PCDH15: variants seen among roughly 807,000 people sequenced by gnomAD.
The protein encoded by PCDH15 is protocadherin-15.
Under a neutral mutation model 178.5 loss-of-function variants are expected in PCDH15, and 129 were observed. The ratio of observed to expected loss-of-function variants is 0.72; its 90% CI spans 0.63 to 0.84. The LOEUF is 0.84. Among genes scored for constraint, PCDH15 ranks in the 40% least tolerant of loss-of-function variants. The pLI, the probability that PCDH15 is intolerant of heterozygous loss-of-function variation, is 0.00. For missense variants in PCDH15, 2,230 were observed against 2,099.9 expected, an observed-to-expected ratio of 1.06 and a Z score of -1.21; for synonymous variants, 800 against 732.0, an observed-to-expected ratio of 1.09 and a Z score of -1.50.
intron 1 of PCDH15, among the ~76,000 whole-genome samples, chr10:54,757,300 T>TTA (rs1209708087): frequency 6.3e-5 from 2 of 31,538 alleles, no homozygotes; most frequent in African/African-American, 3.6e-4. Flanking sequence ...TTTTTTTTTT[T>TTA]GAGACGGAGT....
Position 53,821,421 on chromosome 10 carries a change from C to T in PCDH15, c.4368-1191G>A, listed in dbSNP as rs557721389. The T allele has an allele frequency of 6.0e-6, 6 of 999,810 alleles. No homozygotes were observed. The South Asian group carries it at 1.3e-4, about 21-fold the overall frequency. 61.9% of individuals were successfully genotyped at this position (999,810 alleles called of 1,614,324 possible). On this transcript the variant is annotated intron_variant, in intron 32 of 37. Coordinates refer to ENST00000644397, the MANE Select transcript of PCDH15 (RefSeq NM_001384140.1). Reference sequence around the variant, plus strand: ...ACATAGGCTTCAAGAAAAAACAGAACCTATCAATCATATCAGTTTTAACTT... The same window carrying T: ...ACATAGGCTTCAAGAAAAAACAGAATCTATCAATCATATCAGTTTTAACTT...
intron 2 of PCDH15, among the ~76,000 whole-genome samples, chr10:55,329,213 A>T (rs999246791): frequency 1.3e-3 from 77 of 58,970 alleles, no homozygotes; most frequent in Middle Eastern, 0.012. Context: ...GGATCTGGGA[A>T]TTCAAATTAT....
At chr10:54,915,918 T>A (rs1954893672) in intron 2 of PCDH15, among the ~76,000 whole-genome samples, 1 of 152,188 alleles carries the variant, frequency 6.6e-6, no homozygotes, top group South Asian at 2.1e-4. Flanking sequence ...AACCTCCACC[T>A]CCTGGGTTCA....
chr10:54,384,062 G>C (rs2135164964), intron 3 of PCDH15, among the ~76,000 whole-genome samples: 1 of 147,674 alleles, frequency 6.8e-6, no homozygotes. Flanking sequence ...TTAAACTTCT[G>C]ACTTCAGGTG....
chr10:54,709,593 C>CATACATAT (rs2095407065), intron 1 of PCDH15, among the ~76,000 whole-genome samples: 1 of 94,824 alleles, frequency 1.1e-5, no homozygotes. Flanking sequence ...ACAAATAATT[C>CATACATAT]ATATATATAT....
At chr10:55,606,413 A>G (rs898052794) in intron 2 of PCDH15, among the ~76,000 whole-genome samples, 3 of 151,088 alleles carry the variant, frequency 2.0e-5, no homozygotes, top group East Asian at 3.9e-4. Flanking sequence ...GTTCATATGG[A>G]ACCAAAAAAG....
chr10:55,484,554 T>G (rs1034361459), intron 2 of PCDH15, among the ~76,000 whole-genome samples: 1 of 151,654 alleles, frequency 6.6e-6, no homozygotes, highest in South Asian at 2.1e-4. Context: ...TCCTAAAATA[T>G]GTATGGAACC....
chr10:54,818,173 A>G (rs1952977970), intron 3 of PCDH15, among the ~76,000 whole-genome samples: 1 of 152,008 alleles, frequency 6.6e-6, no homozygotes, highest in Non-Finnish European at 1.5e-5. Flanking sequence ...TGATTAACAT[A>G]TAGTTTAGAA....
chr10:54,043,158 G>A (rs10825207), intron 18 of PCDH15, among the ~76,000 whole-genome samples: 71,854 of 151,846 alleles, frequency 0.47, 17,403 homozygotes, highest in Middle Eastern at 0.64. Context: ...CAGATTTATC[G>A]GTGAACATTA....
chr10:55,382,332 CT>C (rs1207627722), intron 2 of PCDH15, among the ~76,000 whole-genome samples: 1 of 152,096 alleles, frequency 6.6e-6, no homozygotes, highest in Non-Finnish European at 1.5e-5. Context: ...AATCAGCTAA[CT>C]TTAAATAAGA....
chr10:55,445,313 T>C (rs1839291391), intron 2 of PCDH15, among the ~76,000 whole-genome samples: 1 of 151,950 alleles, frequency 6.6e-6, no homozygotes, highest in Admixed American at 6.6e-5. Context: ...TAAATTACAG[T>C]GAATAAAAGG....
rs572182789 is a variant in PCDH15 at position 54,736,256 on chromosome 10, T to C, written c.-29+64669A>G. Among the ~76,000 whole-genome samples the C allele has an allele frequency of 3.9e-5, 6 of 152,198 alleles. No homozygotes were observed. In the South Asian group the frequency reaches 1.2e-3, roughly 32 times the overall value. ...ATAAATGCTGTAATTCCCATTTTAG[T>C]AGACAATCCTTCCTTTCAGAATCAG... is the stretch of plus-strand genomic sequence containing the variant. On this transcript the variant is annotated intron_variant, in intron 1 of 37. Coordinates refer to ENST00000644397, the MANE Select transcript of PCDH15 (RefSeq NM_001384140.1).
At chr10:54,298,837 TC>T (rs1446019337) in intron 8 of PCDH15, among the ~76,000 whole-genome samples, 11 of 152,338 alleles carry the variant, frequency 7.2e-5, no homozygotes, top group African/African-American at 2.4e-4. Context: ...ATCCAAGGAA[TC>T]CTGGGAGAGC....
chr10:54,921,835 G>A (rs912950973), intron 2 of PCDH15, among the ~76,000 whole-genome samples: 1 of 152,132 alleles, frequency 6.6e-6, no homozygotes, highest in Non-Finnish European at 1.5e-5. Context: ...GGCTGTACAG[G>A]TAGCATCTCT....
intron 2 of PCDH15, among the ~76,000 whole-genome samples, chr10:55,051,433 T>C (rs905325820): frequency 6.6e-6 from 1 of 152,206 alleles, no homozygotes. Context: ...TGTTTTAAAA[T>C]ATTTATTGTT....
Position 54,664,233 on chromosome 10 carries a change from A to G in PCDH15, c.30T>C (p.Cys10=), listed in dbSNP as rs1276889888. 1.2e-6 allele frequency: 2 copies of G among 1,612,138 alleles called. No individual in the cohort carries two copies. The highest frequency in any genetic ancestry group is 1.7e-5 in the Admixed American group (1 of 59,774). ...AGCCCAGGATGATCCCTGAAGCTAA[A>G]CATGTCCAGAGATAAAACTGTCGAA... MFRQFYLWT[C]LASGIILGSL... The change falls in exon 2 of 38, where the codon TGT becomes TGC. Residue 10 remains cysteine, a synonymous_variant. Coordinates refer to ENST00000644397, the MANE Select transcript of PCDH15 (RefSeq NM_001384140.1).
At chr10:55,378,285 T>G (rs1837447436) in intron 2 of PCDH15, among the ~76,000 whole-genome samples, 1 of 152,080 alleles carries the variant, frequency 6.6e-6, no homozygotes. Flanking sequence ...TTCAAGAGGC[T>G]TATAGAACAT....
chr10:54,240,304 T>C (rs2055107168), intron 8 of PCDH15, among the ~76,000 whole-genome samples: 2 of 147,856 alleles, frequency 1.4e-5, no homozygotes. Flanking sequence ...CAAAGAAAAC[T>C]GAGTAAAAAT....
intron 25 of PCDH15, among the ~76,000 whole-genome samples, chr10:53,925,248 G>A (rs2084413518): frequency 6.6e-6 from 1 of 152,132 alleles, no homozygotes; most frequent in African/African-American, 2.4e-5. Flanking sequence ...CCTGAGGCCA[G>A]CGAGACCACG....
Sources: allele counts gnomAD v4.1 joint callset (sites outside exome capture counted in the v4.1 genomes callset), GRCh38; gene constraint gnomAD v4.1.1; transcripts MANE v1.5; gene names NCBI Gene and HGNC (gene_info 2026-07-23, HGNC 2026-07-21).